The following KIRREL3 variants were observed in gnomAD, a reference collection of about 807,000 sequenced individuals.
KIRREL3 encodes kirre like nephrin family adhesion molecule 3.
KIRREL3 carries 36 observed loss-of-function variants against 89.7 expected under a neutral mutation model. The observed-to-expected ratio is 0.40, with a 90% CI of 0.31 to 0.53. KIRREL3 has a LOEUF of 0.53. KIRREL3 is among the 20% of genes least tolerant of loss of function. KIRREL3 has a pLI of 0.49. For missense variants in KIRREL3, 864 were observed against 1,056.6 expected, an observed-to-expected ratio of 0.82 and a Z score of 2.53; for synonymous variants, 445 against 441.4, an observed-to-expected ratio of 1.01 and a Z score of -0.10.
intron 5 of KIRREL3, among the ~76,000 whole-genome samples, chr11:126,465,168 G>A (rs1413739193): frequency 1.3e-5 from 2 of 152,154 alleles, no homozygotes; most frequent in Non-Finnish European, 2.9e-5. Flanking sequence ...ACCTCACTAT[G>A]GGTGCAGTCC....
chr11:126,857,939 C>A (rs569594024), intron 1 of KIRREL3, among the ~76,000 whole-genome samples: 286 of 152,278 alleles, frequency 1.9e-3, no homozygotes, highest in African/African-American at 6.2e-3. Context: ...CTGTGTCGTG[C>A]CTCAGCCTTG....
rs755394305 is a variant in KIRREL3, at chr11:126,587,393, A to AG, written c.56-24482_56-24481insC. Among the ~76,000 whole-genome samples the AG allele has an allele frequency of 6.6e-5, 10 of 152,158 alleles. No individual in the cohort carries two copies. Among genetic ancestry groups the AG allele is most frequent in the Non-Finnish European group, 1.0e-4 (7 of 68,026 alleles). On this transcript the variant is annotated intron_variant, in intron 1 of 16. Coordinates refer to ENST00000525144, the MANE Select transcript of KIRREL3 (RefSeq NM_032531.4). The surrounding 1 kb of genome is among the most constrained non-coding windows in gnomAD (Gnocchi z 5.2). ...GCTGTGAGGCATGAGGCAGAGAGGT[A>AG]AGCCAGGAGTAGTTTGCAGACCCCT... is the stretch of plus-strand genomic sequence containing the variant.
Position 126,740,572 on chromosome 11 carries a change from G to A in KIRREL3, c.56-177660C>T, listed in dbSNP as rs149311104. 2.6e-5 allele frequency among the ~76,000 whole-genome samples: 4 copies of A among 152,090 alleles called. No individual in the cohort carries two copies. The highest frequency in any genetic ancestry group is 6.6e-5 in the Admixed American group (1 of 15,262). On this transcript the variant is annotated intron_variant, in intron 1 of 16. Transcript: ENST00000525144. This position sits in a 1 kb window ranked among gnomAD's most constrained non-coding sequence, Gnocchi z 6.0. ...GATGTATTCCTATGGGCAAAGTATC[G>A]CTCTAGCCCAGCATCCCCTTTTGTC... is the stretch of plus-strand genomic sequence containing the variant.
chr11:126,440,357 G>T, intron 11 of KIRREL3, 92 bp downstream of exon 11: 1 of 1,067,554 alleles, frequency 9.4e-7, no homozygotes, highest in Non-Finnish European at 1.4e-6. Flanking sequence ...AACCTCGGAG[G>T]TGTGCACCGC....
rs915362080 is a variant in KIRREL3, at chr11:126,501,039, C to G, written c.433+20276G>C. 3.3e-5 allele frequency among the ~76,000 whole-genome samples: 5 copies of G among 152,250 alleles called. No individual in the cohort carries two copies. Among genetic ancestry groups the G allele is most frequent in the African/African-American group, 1.2e-4 (5 of 41,476 alleles). ...CCCTCCACCCGCTGCCGAGACATCT[C>G]CGTGTAGCTTTCCTGGCTCTGCCTC... On this transcript the variant is annotated intron_variant, in intron 4 of 16. Transcript: ENST00000525144. This position sits in a 1 kb window ranked among gnomAD's most constrained non-coding sequence, Gnocchi z 5.8.
intron 4 of KIRREL3, among the ~76,000 whole-genome samples, chr11:126,505,574 T>TAA (rs35612888): frequency 4.6e-5 from 7 of 151,048 alleles, no homozygotes; most frequent in African/African-American, 1.2e-4. Context: ...TCCATCTCTT[T>TAA]AAAAAAAAAT....
intron 1 of KIRREL3, among the ~76,000 whole-genome samples, chr11:126,884,228 C>T (rs1945615146): frequency 2.0e-5 from 3 of 152,300 alleles, no homozygotes; most frequent in Non-Finnish European, 4.4e-5. Flanking sequence ...TGGAGGTGGT[C>T]ACTGAGAATC....
intron 1 of KIRREL3, among the ~76,000 whole-genome samples, chr11:126,894,542 CA>C (rs10630231): frequency 0.018 from 313 of 17,460 alleles, no homozygotes; most frequent in African/African-American, 0.056. Flanking sequence ...GACCTCATCT[CA>C]AAAAAAAAAA....
chr11:126,793,959 G>T (rs1335353749), intron 1 of KIRREL3, among the ~76,000 whole-genome samples: 1 of 152,112 alleles, frequency 6.6e-6, no homozygotes. Flanking sequence ...GGCCTGAAAG[G>T]GTGCATTTCT....
At chr11:126,842,900 C>T (rs1944012295) in intron 1 of KIRREL3, among the ~76,000 whole-genome samples, 1 of 152,152 alleles carries the variant, frequency 6.6e-6, no homozygotes, top group Non-Finnish European at 1.5e-5. Flanking sequence ...GAGCTGGCCT[C>T]TCCATCGGAG....
rs903613707 is a variant in KIRREL3, at chr11:126,485,314, G to GA, written c.434-11849dup. ...TCTGCTCCTAACCTGGGGGTGGGGG[G>GA]AACCCTGAACTAGCTGACTTCAGAG... is the stretch of plus-strand genomic sequence containing the variant. On this transcript the variant is annotated intron_variant, in intron 4 of 16. Coordinates refer to ENST00000525144, the MANE Select transcript of KIRREL3 (RefSeq NM_032531.4). This position sits in a 1 kb window ranked among gnomAD's most constrained non-coding sequence, Gnocchi z 5.8. 6.6e-6 allele frequency among the ~76,000 whole-genome samples: 1 copy of GA among 152,130 alleles called. No homozygotes were observed. The highest frequency in any genetic ancestry group is 2.4e-5 in the African/African-American group (1 of 41,404).
chr11:126,558,922 T>G lies in KIRREL3; in HGVS notation c.133+3913A>C, dbSNP rs1939904219. ...TATGCATGCAGGTGTGTGCATTGTG[T>G]GTGTATGTGTGTGTGCATGCTCATG... On this transcript the variant is annotated intron_variant, in intron 2 of 16. Transcript: ENST00000525144. This position sits in a 1 kb window ranked among gnomAD's most constrained non-coding sequence, Gnocchi z 4.0. Among the ~76,000 whole-genome samples, 1 of 152,086 alleles carries G rather than the reference T, an allele frequency of 6.6e-6. No homozygotes were observed. Among genetic ancestry groups the G allele is most frequent in the Non-Finnish European group, 1.5e-5 (1 of 68,016 alleles).
chr11:126,646,473 ATTT>A (rs71279461), intron 1 of KIRREL3, among the ~76,000 whole-genome samples: 6 of 127,408 alleles, frequency 4.7e-5, no homozygotes, highest in Admixed American at 8.4e-5. Flanking sequence ...TGCCCCAAGT[ATTT>A]TTTTTTTTTT....
chr11:126,865,534 T>G (rs956577357), intron 1 of KIRREL3, among the ~76,000 whole-genome samples: 2 of 152,002 alleles, frequency 1.3e-5, no homozygotes, highest in East Asian at 3.9e-4. Context: ...CCCATGGGGG[T>G]GGGGAGCTCA....
At position 126,868,445 on chromosome 11, in the gene KIRREL3, G is replaced by A. The variant is rs567521446; in HGVS notation, c.55+132010C>T. On this transcript the variant is annotated intron_variant, in intron 1 of 16. Coordinates refer to ENST00000525144, the MANE Select transcript of KIRREL3 (RefSeq NM_032531.4). ...CACGTCGCCCTAGGTGGAGAGCAAAGGAGGGCTGGGAGAAGGAAATTGCCC... is the reference window on the plus strand; with the variant it reads ...CACGTCGCCCTAGGTGGAGAGCAAAAGAGGGCTGGGAGAAGGAAATTGCCC... Among the ~76,000 whole-genome samples the A allele has an allele frequency of 2.8e-3, 431 of 152,282 alleles. 4 individuals are homozygous for A. The highest frequency in any genetic ancestry group is 4.9e-3 in the Non-Finnish European group (333 of 68,018).
At position 126,509,991 on chromosome 11, in the gene KIRREL3, CAAAAAAAAAAAAAAA is replaced by C. The variant is rs58061522; in HGVS notation, c.433+11309_433+11323del. Among the ~76,000 whole-genome samples, 11 of 62,064 alleles carry C rather than the reference CAAAAAAAAAAAAAAA, an allele frequency of 1.8e-4. No individual in the cohort carries two copies. In the Admixed American group the frequency reaches 2.2e-3, roughly 12 times the overall value. 40.7% of individuals were successfully genotyped at this position (62,064 alleles called of 152,430 possible). On this transcript the variant is annotated intron_variant, in intron 4 of 16. Coordinates refer to ENST00000525144, the MANE Select transcript of KIRREL3 (RefSeq NM_032531.4). The stretch of plus-strand genomic sequence containing the variant: ...TGGACAACAGAGCAAGACTCCGTCT[CAAAAAAAAAAAAAAA>C]AAAAAAAAAAAAGAAAAAAGAAAAA...
intron 8 of KIRREL3, among the ~76,000 whole-genome samples, chr11:126,447,220 G>T (rs887677503): frequency 6.6e-6 from 1 of 152,190 alleles, no homozygotes; most frequent in African/African-American, 2.4e-5. Flanking sequence ...CCTTCCCTCT[G>T]TCTGGATCAC....
rs984890422 is a variant in KIRREL3, at chr11:126,495,034, A to C, written c.434-21568T>G. ...AGTGAGAGGTTCAACCAGGGTGGCTAGGCTGTGCACTGGCCAATTCCAGTG... is the reference window on the plus strand; with the variant it reads ...AGTGAGAGGTTCAACCAGGGTGGCTCGGCTGTGCACTGGCCAATTCCAGTG... On this transcript the variant is annotated intron_variant, in intron 4 of 16. Coordinates refer to ENST00000525144, the MANE Select transcript of KIRREL3 (RefSeq NM_032531.4). The surrounding 1 kb of genome is among the most constrained non-coding windows in gnomAD (Gnocchi z 6.5). Among the ~76,000 whole-genome samples, 1 of 152,206 alleles carries C rather than the reference A, an allele frequency of 6.6e-6. No individual in the cohort carries two copies. The highest frequency in any genetic ancestry group is 6.5e-5 in the Admixed American group (1 of 15,282).
At position 126,441,280 on chromosome 11, in the gene KIRREL3, G is replaced by A. The variant is rs1955552950; in HGVS notation, c.1253-731C>T. 6.6e-6 allele frequency among the ~76,000 whole-genome samples: 1 copy of A among 152,244 alleles called. No individual in the cohort carries two copies. Among genetic ancestry groups the A allele is most frequent in the Non-Finnish European group, 1.5e-5 (1 of 68,040 alleles). ...TATCATATCACAGAGTGTGGCACAT[G>A]TTTATGGGTGTCAGGTTCTGAGAGC... On this transcript the variant is annotated intron_variant, in intron 10 of 16. Coordinates refer to ENST00000525144, the MANE Select transcript of KIRREL3 (RefSeq NM_032531.4). This position sits in a 1 kb window ranked among gnomAD's most constrained non-coding sequence, Gnocchi z 5.0.
Sources: gnomAD v4.1 joint callset for allele counts (sites outside exome capture counted in the v4.1 genomes callset) on GRCh38, gnomAD v4.1.1 for gene constraint, Gnocchi (gnomAD v3.1) non-coding constraint, MANE v1.5 for transcripts, NCBI Gene and HGNC (gene_info 2026-07-23, HGNC 2026-07-21) for gene names.